KAT14: variants seen among roughly 807,000 people sequenced by gnomAD.
The protein encoded by KAT14 is cysteine-rich protein 2-binding protein.
KAT14 carries 66 observed loss-of-function variants against 78.4 expected under a neutral mutation model. The ratio of observed to expected loss-of-function variants is 0.84; its 90% CI spans 0.69 to 1.03. KAT14 has a LOEUF of 1.03. Ranked by LOEUF, KAT14 falls within the 50% of genes least tolerant of loss-of-function variation. KAT14 has a pLI of 0.00. For missense variants in KAT14, 870 were observed against 972.5 expected, an observed-to-expected ratio of 0.89 and a Z score of 1.40; for synonymous variants, 344 against 359.4, an observed-to-expected ratio of 0.96 and a Z score of 0.48.
rs746639379 is a variant in KAT14, at chr20:18,183,193, G to A, written c.1876G>A (p.Asp626Asn). ...SQIRSHLHRS[D>N]PHWTPEPDAP... is the part of the protein sequence containing the mutation. The stretch of plus-strand genomic sequence containing the variant: ...GATTCGTTCCCACCTGCACAGGAGC[G>A]ACCCTCACTGGACGCCGGAGCCCGA... Residue 626 changes from aspartate to asparagine, a missense_variant, in exon 9 of 11, where the codon GAC (aspartate) becomes AAC (asparagine). Coordinates refer to ENST00000688188, the MANE Select transcript of KAT14 (RefSeq NM_001392073.1). 6 of 1,613,984 alleles carry A rather than the reference G, an allele frequency of 3.7e-6. No homozygotes were observed. Among genetic ancestry groups the A allele is most frequent in the South Asian group, 1.1e-5 (1 of 91,062 alleles).
At chr20:18,165,357 T>A (rs2038601150) in intron 7 of KAT14, among the ~76,000 whole-genome samples, 4 of 152,148 alleles carry the variant, frequency 2.6e-5, no homozygotes, top group Admixed American at 2.6e-4. Flanking sequence ...CCCTTAAGCA[T>A]ATGTTGAAGT....
chr20:18,167,939 T>G (rs1451662080), intron 7 of KAT14, among the ~76,000 whole-genome samples: 1 of 152,174 alleles, frequency 6.6e-6, no homozygotes, highest in Non-Finnish European at 1.5e-5. Context: ...TTCTTTTGTA[T>G]TGCTTATTTA....
At chr20:18,148,643 C>T (rs918073028) in intron 3 of KAT14, among the ~76,000 whole-genome samples, 5 of 148,640 alleles carry the variant, frequency 3.4e-5, no homozygotes, top group Admixed American at 6.8e-5. Context: ...GAGTTTCACT[C>T]TTGTTGCCCA....
chr20:18,174,195 A>C (rs2038953623), intron 7 of KAT14, among the ~76,000 whole-genome samples: 1 of 152,198 alleles, frequency 6.6e-6, no homozygotes, highest in Non-Finnish European at 1.5e-5. Flanking sequence ...GATAGACCAC[A>C]TTTGGTTTAT....
At chr20:18,178,173 C>A (rs926324609) in intron 7 of KAT14, among the ~76,000 whole-genome samples, 3 of 151,006 alleles carry the variant, frequency 2.0e-5, no homozygotes, top group Non-Finnish European at 4.4e-5. Context: ...AAAAGGGAAA[C>A]AGAACATAAA....
intron 7 of KAT14, among the ~76,000 whole-genome samples, chr20:18,169,166 T>G (rs2146466363): frequency 6.6e-6 from 1 of 152,356 alleles, no homozygotes; most frequent in Non-Finnish European, 1.5e-5. Flanking sequence ...TGATTCATTT[T>G]CAGAGTTTTC....
intron 10 of KAT14, 46 bp from the exon 11 acceptor site, chr20:18,187,240 T>C: frequency 6.4e-7 from 1 of 1,557,392 alleles, no homozygotes; most frequent in Non-Finnish European, 8.6e-7. Flanking sequence ...TCATTTTCCC[T>C]CAGGCCTTTC....
At chr20:18,152,202 G>A (rs938946263) in intron 4 of KAT14, among the ~76,000 whole-genome samples, 8 of 152,074 alleles carry the variant, frequency 5.3e-5, no homozygotes, top group African/African-American at 1.4e-4. Flanking sequence ...CAGCTACTCA[G>A]GAGACCAAGG....
In KAT14 at chr20:18,184,770, T is replaced by C. The variant is rs1189276916; in HGVS notation, c.2150T>C (p.Phe717Ser). 24 of 1,608,208 alleles carry C rather than the reference T, an allele frequency of 1.5e-5. No individual in the cohort carries two copies. In the East Asian group the frequency reaches 5.1e-4, roughly 34 times the overall value. Residue 717 changes from phenylalanine (F) to serine (S), a missense_variant, in exon 10 of 11, where the codon TTC (phenylalanine) becomes TCC (serine). Transcript: ENST00000688188. ...TGGAGAAGAGCAGGGATTGCAACTT[T>C]CATGATCTATCATCTGATTCAGGTA... The part of the protein sequence containing the change: ...PEWRRAGIAT[F>S]MIYHLIQTCM...
chr20:18,139,479 C>T (rs969901793), intron 1 of KAT14, among the ~76,000 whole-genome samples: 15 of 152,140 alleles, frequency 9.9e-5, no homozygotes, highest in African/African-American at 3.6e-4. Context: ...GGTCCCCACC[C>T]CAGACCATTT....
chr20:18,138,133 T>A, intron 1 of KAT14, 82 bp downstream of exon 1: 3 of 1,361,176 alleles, frequency 2.2e-6, no homozygotes, highest in Non-Finnish European at 2.8e-6. Context: ...CCCGCTCGGT[T>A]CCTCAGCTCC....
intron 9 of KAT14, among the ~76,000 whole-genome samples, chr20:18,183,906 T>C (rs926848302): frequency 6.6e-6 from 1 of 152,226 alleles, no homozygotes; most frequent in Non-Finnish European, 1.5e-5. Context: ...CTAAAGGAAA[T>C]AATACATGTC....
Position 18,162,801 on chromosome 20 carries a change from T to A in KAT14, c.1524T>A (p.Phe508Leu). ...AAAGGGATAGGGGATTACCACTTTT[T>A]GACTTGGATCAAGTTGTTAATGCTG... ...QAKRDRGLPL[F>L]DLDQVVNAAL... The change falls in exon 7 of 11, where the codon TTT becomes TTA. Residue 508 changes from phenylalanine to leucine, a missense_variant. Physicochemically the swap from Phe to Leu is conservative, Grantham distance 22. Coordinates refer to ENST00000688188, the MANE Select transcript of KAT14 (RefSeq NM_001392073.1). 1 of 1,614,238 alleles carries A rather than the reference T, an allele frequency of 6.2e-7. No homozygotes were observed. The highest frequency in any genetic ancestry group is 8.5e-7 in the Non-Finnish European group (1 of 1,180,040).
chr20:18,142,039 A>G (rs960891055), intron 1 of KAT14, among the ~76,000 whole-genome samples, 169 bp from the exon 2 acceptor site: 2 of 152,146 alleles, frequency 1.3e-5, no homozygotes, highest in African/African-American at 4.8e-5. Context: ...AATTTATTTG[A>G]TCGTTTATTA....
At position 18,142,908 on chromosome 20, in the gene KAT14, G is replaced by A; in HGVS notation, c.248G>A (p.Trp83Ter). Reference sequence around the variant, plus strand: ...TACTTCTGTGACAAGTGCCAAAAATGGATACCAGCCAGTAAGGAGCTTCTC... The same window carrying A: ...TACTTCTGTGACAAGTGCCAAAAATAGATACCAGCCAGTAAGGAGCTTCTC... ...LSYFCDKCQK[W>*]IPASQLREQL... The change falls in exon 2 of 11, where the codon TGG becomes TAG. Residue 83 changes from tryptophan to a stop codon, truncating the protein, a stop_gained. Transcript: ENST00000688188. LOFTEE classifies it high-confidence loss of function. The A allele has an allele frequency of 6.2e-7, 1 of 1,613,838 alleles. No individual in the cohort carries two copies. Among genetic ancestry groups the A allele is most frequent in the Non-Finnish European group, 8.5e-7 (1 of 1,179,752 alleles).
intron 1 of KAT14, among the ~76,000 whole-genome samples, chr20:18,139,637 TGTGTG>T (rs2037447547): frequency 3.1e-5 from 1 of 32,196 alleles, no homozygotes; most frequent in African/African-American, 2.3e-4. Context: ...AAATAACGTG[TGTGTG>T]TGTGTGTGTG....
Position 18,143,635 on chromosome 20 carries a change from T to TA in KAT14, c.259+716_259+717insA, listed in dbSNP as rs1285725915. 8.8e-5 allele frequency among the ~76,000 whole-genome samples: 13 copies of TA among 147,260 alleles called. 1 individual carries two copies. The highest frequency in any genetic ancestry group is 2.7e-4 in the Admixed American group (4 of 14,732). On this transcript the variant is annotated intron_variant, in intron 2 of 10. Coordinates refer to ENST00000688188, the MANE Select transcript of KAT14 (RefSeq NM_001392073.1). ...GGCTAATTTTTTTTTTTATTTTATTTTTTTTTTTTGAGACGGAGTTTTCCT... is the reference window on the plus strand; with the variant it reads ...GGCTAATTTTTTTTTTTATTTTATTTATTTTTTTTTGAGACGGAGTTTTCCT...
chr20:18,171,279 C>T (rs1362832455), intron 7 of KAT14, among the ~76,000 whole-genome samples: 1 of 152,122 alleles, frequency 6.6e-6, no homozygotes, highest in Non-Finnish European at 1.5e-5. Context: ...AGAAGTGGAG[C>T]CTGAAGATGT....
chr20:18,156,272 G>A (rs1415841340), intron 4 of KAT14, among the ~76,000 whole-genome samples: 1 of 152,176 alleles, frequency 6.6e-6, no homozygotes, highest in Non-Finnish European at 1.5e-5. Flanking sequence ...CGGATATAGA[G>A]TTTCGGTTTT....
Sources: allele counts gnomAD v4.1 joint callset (sites outside exome capture counted in the v4.1 genomes callset), GRCh38; gene constraint gnomAD v4.1.1; transcripts MANE v1.5; gene names NCBI Gene and HGNC (gene_info 2026-07-23, HGNC 2026-07-21).